CCDC171: variants seen among roughly 807,000 people sequenced by gnomAD.
The protein encoded by CCDC171 is coiled-coil domain containing 171, also known as coiled-coil domain-containing protein 171.
In CCDC171, 177 loss-of-function variants were observed where a neutral mutation model predicts 168.2. The observed-to-expected ratio is 1.05, with a 90% CI of 0.93 to 1.19. CCDC171 has a LOEUF of 1.19. Among genes scored for constraint, CCDC171 ranks in the 50% most tolerant of loss-of-function variants. The pLI is 0.00. For synonymous variants in CCDC171, 687 were observed against 540.8 expected (o/e 1.27, Z -3.75); for missense variants, 1,991 against 1,539.0 (o/e 1.29, Z -4.91).
chr9:15,554,375 CAGA>C (rs781245521), intron 1 of CCDC171, among the ~76,000 whole-genome samples: 1 of 152,140 alleles, frequency 6.6e-6, no homozygotes, highest in African/African-American at 2.4e-5. Flanking sequence ...AGTGGTAGAG[CAGA>C]AGATGAACAT....
the CCDC171 span, among the ~76,000 whole-genome samples, chr9:16,098,001 CTG>C: frequency 6.6e-6 from 1 of 152,174 alleles, no homozygotes; most frequent in South Asian, 2.1e-4. Context: ...GCAGTGCCTA[CTG>C]TGAGAAATAA....
intron 11 of CCDC171, among the ~76,000 whole-genome samples, chr9:15,712,118 G>A (rs906744584): frequency 1.3e-5 from 2 of 152,224 alleles, no homozygotes; most frequent in Non-Finnish European, 2.9e-5. Flanking sequence ...CAGAGAGAAA[G>A]CATTCTTTCT....
At chr9:15,668,944 A>C (rs1247346411) in intron 9 of CCDC171, among the ~76,000 whole-genome samples, 1 of 152,200 alleles carries the variant, frequency 6.6e-6, no homozygotes, top group Non-Finnish European at 1.5e-5. Flanking sequence ...CTTTAAGGTA[A>C]ATAATACCTT....
At chr9:15,614,784 T>C (rs572751136) in intron 6 of CCDC171, among the ~76,000 whole-genome samples, 40 of 152,328 alleles carry the variant, frequency 2.6e-4, no homozygotes, top group African/African-American at 9.1e-4. Context: ...AAACTTTGAG[T>C]GTCTGGGTGA....
At chr9:16,031,070 T>C (rs1288115983) in intron 6 of CCDC171, among the ~76,000 whole-genome samples, 1 of 152,168 alleles carries the variant, frequency 6.6e-6, no homozygotes, top group Non-Finnish European at 1.5e-5. Flanking sequence ...TTAGGCAACA[T>C]GGCCATGAAA....
the CCDC171 span, among the ~76,000 whole-genome samples, chr9:16,081,423 T>A: frequency 1.3e-5 from 2 of 152,130 alleles, no homozygotes; most frequent in African/African-American, 4.8e-5. Flanking sequence ...ATGGGTCAAA[T>A]AAGACTGAAG....
At chr9:15,867,758 C>T (rs567022997) in intron 23 of CCDC171, among the ~76,000 whole-genome samples, 8 of 152,108 alleles carry the variant, frequency 5.3e-5, no homozygotes, top group African/African-American at 1.9e-4. Context: ...CTAATTTCAG[C>T]GTGTATCTGT....
At chr9:15,555,224 C>A (rs117085729) in intron 1 of CCDC171, among the ~76,000 whole-genome samples, 1 of 151,982 alleles carries the variant, frequency 6.6e-6, no homozygotes, top group Non-Finnish European at 1.5e-5. Flanking sequence ...ACATAATATC[C>A]CATCATCTAT....
intron 23 of CCDC171, among the ~76,000 whole-genome samples, chr9:15,869,653 T>A (rs1254644804): frequency 6.6e-6 from 1 of 151,716 alleles, no homozygotes; most frequent in African/African-American, 2.4e-5. Context: ...GAATTTCTGT[T>A]AATTAGGTAC....
rs142826156 is a variant in CCDC171, at chr9:15,926,718, C to G, written c.3753+6296C>G. 1.1e-3 allele frequency among the ~76,000 whole-genome samples: 160 copies of G among 151,658 alleles called. 1 individual carries two copies. The highest frequency in any genetic ancestry group is 1.8e-3 in the Non-Finnish European group (121 of 67,716). ...TTGTAGTGTTGTTATGAGGATGAAA[C>G]AAAGACACAGTGTCTGGCATATTAG... On this transcript the variant is annotated intron_variant, in intron 25 of 25. Transcript: ENST00000380701.
intron 6 of CCDC171, among the ~76,000 whole-genome samples, chr9:15,602,933 C>T (rs1220002720): frequency 6.6e-6 from 1 of 152,050 alleles, no homozygotes; most frequent in African/African-American, 2.4e-5. Context: ...GCTGAGATTA[C>T]AGGCGTGAGC....
chr9:15,765,051 G>A (rs560910113), intron 18 of CCDC171, among the ~76,000 whole-genome samples: 43 of 152,310 alleles, frequency 2.8e-4, no homozygotes, highest in African/African-American at 9.9e-4. Context: ...TTTACAAGTA[G>A]GAGTGTAATT....
chr9:16,038,176 T>C (rs1833507997), upstream of CCDC171, among the ~76,000 whole-genome samples: 1 of 152,154 alleles, frequency 6.6e-6, no homozygotes, highest in Non-Finnish European at 1.5e-5. Context: ...TGCAATTATA[T>C]AGCCAGCTAA....
intron 9 of CCDC171, among the ~76,000 whole-genome samples, chr9:15,676,856 T>G (rs1323364865): frequency 6.6e-6 from 1 of 152,184 alleles, no homozygotes. Flanking sequence ...CACGTTTTCC[T>G]CTGGAAACTT....
At chr9:15,661,463 A>G (rs1283392815) in intron 8 of CCDC171, among the ~76,000 whole-genome samples, 1 of 152,132 alleles carries the variant, frequency 6.6e-6, no homozygotes, top group Non-Finnish European at 1.5e-5. Flanking sequence ...TTTTACTTAT[A>G]TGGTTTAAAA....
chr9:15,646,560 T>A (rs1587707335), intron 7 of CCDC171, among the ~76,000 whole-genome samples: 1 of 152,134 alleles, frequency 6.6e-6, no homozygotes, highest in East Asian at 1.9e-4. Flanking sequence ...GAGGAAGATC[T>A]ACCAAGAAAA....
At chr9:15,691,542 TTTTTTATATA>T (rs1430169311) in intron 10 of CCDC171, among the ~76,000 whole-genome samples, 2 of 112,720 alleles carry the variant, frequency 1.8e-5, no homozygotes, top group African/African-American at 7.4e-5. Flanking sequence ...TAAATATATG[TTTTTTATATA>T]TATATATATA....
the CCDC171 span, among the ~76,000 whole-genome samples, chr9:16,075,885 T>C: frequency 4.6e-5 from 7 of 152,086 alleles, no homozygotes; most frequent in African/African-American, 7.3e-5. Flanking sequence ...CAGCATAGCA[T>C]AGCATAGCAT....
At chr9:16,026,098 C>T (rs936068776) in intron 6 of CCDC171, among the ~76,000 whole-genome samples, 7 of 152,164 alleles carry the variant, frequency 4.6e-5, no homozygotes, top group African/African-American at 1.2e-4. Context: ...TACCATGTCA[C>T]GCTCCATGTT....
Sources: allele counts gnomAD v4.1 joint callset (sites outside exome capture counted in the v4.1 genomes callset), GRCh38; gene constraint gnomAD v4.1.1; transcripts MANE v1.5; gene names NCBI Gene and HGNC (gene_info 2026-07-23, HGNC 2026-07-21).